ACSS1: variants seen among roughly 807,000 people sequenced by gnomAD.
ACSS1 encodes the protein acyl-CoA synthetase short chain family member 1.
A neutral mutation model predicts 75.3 loss-of-function variants in ACSS1; 42 were observed. The observed-to-expected ratio is 0.56, with a 90% CI of 0.44 to 0.72. The LOEUF is 0.72. ACSS1 is among the 30% of genes least tolerant of loss of function. The probability of loss-of-function intolerance (pLI) is 0.00; values close to 1 mark genes in which losing one functional copy is unlikely to be tolerated. For missense variants in ACSS1, 782 were observed against 935.7 expected (o/e 0.84, Z 2.14); for synonymous variants, 380 against 376.8 (o/e 1.01, Z -0.10).
chr20:25,018,391 C>T (rs1316124404), intron 7 of ACSS1, among the ~76,000 whole-genome samples: 5 of 152,334 alleles, frequency 3.3e-5, no homozygotes, highest in East Asian at 1.9e-4. Flanking sequence ...TATTCTATTA[C>T]AGCAGCACAA....
At chr20:25,025,910 C>T (rs534016060) in intron 3 of ACSS1, among the ~76,000 whole-genome samples, 1 of 152,204 alleles carries the variant, frequency 6.6e-6, no homozygotes, top group East Asian at 1.9e-4. Context: ...TATCCTATTG[C>T]CTTATTCATA....
chr20:25,057,595 G>T (rs7265721), intron 1 of ACSS1, among the ~76,000 whole-genome samples, 174 bp downstream of exon 1: 37,805 of 152,118 alleles, frequency 0.25, 5,006 homozygotes, highest in Admixed American at 0.32. Flanking sequence ...GATGAGGGAC[G>T]GGGTGACGTG....
At position 25,035,233 on chromosome 20, in the gene ACSS1, A is replaced by C. The variant is rs530653301; in HGVS notation, c.432-4275T>G. 1.1e-3 allele frequency among the ~76,000 whole-genome samples: 160 copies of C among 152,128 alleles called. 1 individual carries two copies. In the South Asian group the frequency reaches 0.016, roughly 16 times the overall value. On this transcript the variant is annotated intron_variant, in intron 2 of 13. Transcript: ENST00000323482. ...TTTAAAATACCTGACAGGTGGCTCA[A>C]ATTCAACATGAGGTCACTAACCTGC...
chr20:25,032,281 G>A (rs2088839182), intron 2 of ACSS1: 1 of 1,172,090 alleles, frequency 8.5e-7, no homozygotes, highest in Admixed American at 3.8e-5. Context: ...ATTGGCTCAG[G>A]GCCGACACGT....
At position 25,007,821 on chromosome 20, in the gene ACSS1, T is replaced by C. The variant is rs778672906; in HGVS notation, c.2011A>G (p.Ile671Val). 6.2e-7 allele frequency: 1 copy of C among 1,614,220 alleles called. No individual in the cohort carries two copies. The highest frequency in any genetic ancestry group is 8.5e-7 in the Non-Finnish European group (1 of 1,180,024). The change falls in exon 14 of 14, where the codon ATC becomes GTC. Residue 671 changes from isoleucine to valine, a missense_variant. Physicochemically the swap from Ile to Val is conservative, Grantham distance 29 (BLOSUM62 3). Coordinates refer to ENST00000323482, the MANE Select transcript of ACSS1 (RefSeq NM_032501.4). ...DTTTLEDPSIIAEILSVYQKC... is the reference protein window; with the variant it reads ...DTTTLEDPSIVAEILSVYQKC... ...TGGTAGACACTCAGGATCTCTGCGA[T>C]GATGCTGGGGTCCTCCAAGGTGGTA...
At chr20:25,030,586 A>C (rs1414206380) in intron 3 of ACSS1, among the ~76,000 whole-genome samples, 173 bp downstream of exon 3, 1 of 152,218 alleles carries the variant, frequency 6.6e-6, no homozygotes, top group South Asian at 2.1e-4. Flanking sequence ...CTCAGATCTC[A>C]GCCCACAGAA....
At chr20:25,041,497 G>A (rs2089003894) in intron 2 of ACSS1, among the ~76,000 whole-genome samples, 1 of 152,176 alleles carries the variant, frequency 6.6e-6, no homozygotes, top group African/African-American at 2.4e-5. Context: ...CTTGTCCCCA[G>A]GCCACCGCAC....
intron 5 of ACSS1, 44 bp downstream of exon 5, chr20:25,022,896 T>G: frequency 6.4e-7 from 1 of 1,555,450 alleles, no homozygotes; most frequent in Non-Finnish European, 8.7e-7. Context: ...TGCCCCTGCC[T>G]GGATCCCTGC....
At chr20:25,024,604 C>A (rs1429864317) in intron 3 of ACSS1, among the ~76,000 whole-genome samples, 6 of 152,194 alleles carry the variant, frequency 3.9e-5, no homozygotes, top group African/African-American at 1.4e-4. Context: ...GGGTACAAAT[C>A]CTGCAACTCC....
chr20:25,013,711 A>G (rs1356248104), intron 9 of ACSS1, 49 bp from the exon 10 acceptor site: 1 of 1,560,942 alleles, frequency 6.4e-7, no homozygotes, highest in African/African-American at 1.4e-5. Flanking sequence ...CTGGGTGAGA[A>G]GTGTGCCAAA....
At chr20:25,021,946 A>G (rs2088631941) in intron 5 of ACSS1, among the ~76,000 whole-genome samples, 1 of 152,216 alleles carries the variant, frequency 6.6e-6, no homozygotes, top group Non-Finnish European at 1.5e-5. Flanking sequence ...ACAGAGGCAG[A>G]GGGACAACAG....
chr20:25,011,606 C>T (rs1481421929), intron 12 of ACSS1: 1 of 152,330 alleles, frequency 6.6e-6, no homozygotes, highest in African/African-American at 2.4e-5. Flanking sequence ...CTGATCACAT[C>T]TGGACATGTC....
chr20:25,030,764 T>C lies in ACSS1; in HGVS notation c.626A>G (p.Asn209Ser), dbSNP rs201515743. Reference sequence around the variant, plus strand: ...CCCCATGCCCACCTCCTCACCATCATTGATCCTCCCAGCCAAGGACTCTGC... The same window carrying C: ...CCCCATGCCCACCTCCTCACCATCACTGATCCTCCCAGCCAAGGACTCTGC... ...FSAESLAGRI[N>S]DAKCKVVITF... The change falls in exon 3 of 14, where the codon AAT (asparagine) becomes AGT (serine). Residue 209 changes from asparagine to serine, a missense_variant. This residue lies in a region of ACSS1 where 377 missense variants were observed against 383.1 expected (regional missense o/e 0.98). Transcript: ENST00000323482. The C allele has an allele frequency of 5.6e-6, 9 of 1,614,076 alleles. No individual in the cohort carries two copies. The highest frequency in any genetic ancestry group is 2.2e-5 in the East Asian group (1 of 44,882).
At chr20:25,019,530 T>C (rs1390163273) in intron 7 of ACSS1, among the ~76,000 whole-genome samples, 1 of 152,166 alleles carries the variant, frequency 6.6e-6, no homozygotes, top group Non-Finnish European at 1.5e-5. Context: ...ATTATTACTA[T>C]TATTTAGACG....
chr20:25,045,864 T>C (rs1257391898), intron 2 of ACSS1: 1 of 152,242 alleles, frequency 6.6e-6, no homozygotes, highest in Non-Finnish European at 1.5e-5. Flanking sequence ...ATAGAAATGG[T>C]CACCTGGTAC....
At chr20:25,012,699 G>A (rs1389076437) in intron 11 of ACSS1, 35 bp from the exon 12 acceptor site, 1 of 1,614,094 alleles carries the variant, frequency 6.2e-7, no homozygotes, top group Non-Finnish European at 8.5e-7. Flanking sequence ...GCAAAATGTG[G>A]CGGCCCCGGG....
intron 13 of ACSS1, 32 bp downstream of exon 13, chr20:25,009,238 C>T: frequency 6.6e-7 from 1 of 1,514,618 alleles, no homozygotes; most frequent in Non-Finnish European, 9.2e-7. Flanking sequence ...AGAACAGCAG[C>T]ACAGCCCCAT....
intron 2 of ACSS1, among the ~76,000 whole-genome samples, chr20:25,047,179 G>A (rs1337729243): frequency 2.6e-5 from 4 of 152,144 alleles, no homozygotes; most frequent in African/African-American, 7.2e-5. Context: ...CAGGTCACCC[G>A]AGTGGCAGGG....
intron 12 of ACSS1, chr20:25,009,629 G>A (rs1342011779): frequency 1.9e-6 from 1 of 514,002 alleles, no homozygotes; most frequent in Admixed American, 3.4e-5. Context: ...GTGGCTGAGA[G>A]CTTGGCATCT....
Sources: allele counts gnomAD v4.1 joint callset (sites outside exome capture counted in the v4.1 genomes callset), GRCh38; gene constraint gnomAD v4.1.1; regional missense constraint gnomAD v4.1.1; transcripts MANE v1.5; gene names NCBI Gene and HGNC (gene_info 2026-07-23, HGNC 2026-07-21).